NUF2: variants seen among roughly 807,000 people sequenced by gnomAD.
NUF2 encodes the protein NUF2 component of NDC80 kinetochore complex, also known as kinetochore protein Nuf2.
In NUF2, 34 loss-of-function variants were observed where a neutral mutation model predicts 61.8. The ratio of observed to expected loss-of-function variants is 0.55; its 90% CI spans 0.42 to 0.73. NUF2 has a LOEUF of 0.73. Among genes scored for constraint, NUF2 ranks in the 30% least tolerant of loss-of-function variants. NUF2 has a pLI of 0.00. For synonymous variants in NUF2, 172 were observed against 181.6 expected (o/e 0.95, Z 0.42); for missense variants, 445 against 539.1 (o/e 0.83, Z 1.73).
At chr1:163,342,661 C>T (rs1167111552) in intron 9 of NUF2, among the ~76,000 whole-genome samples, 2 of 151,998 alleles carry the variant, frequency 1.3e-5, no homozygotes, top group Admixed American at 1.3e-4. Context: ...CACACCCACA[C>T]ATACATATAT....
At chr1:163,327,117 C>A (rs1228740593) in intron 2 of NUF2, among the ~76,000 whole-genome samples, 643 of 44,670 alleles carry the variant, frequency 0.014, 7 homozygotes, top group Middle Eastern at 0.066. Flanking sequence ...CACACACACA[C>A]ACACACACAC....
intron 1 of NUF2, among the ~76,000 whole-genome samples, chr1:163,322,577 A>G (rs1650266529): frequency 6.6e-6 from 1 of 152,258 alleles, no homozygotes. Flanking sequence ...GTTCCTTTTA[A>G]AAGTTCAAGG....
At chr1:163,340,178 A>G in intron 8 of NUF2, 186 bp from the exon 9 acceptor site, 1 of 521,770 alleles carries the variant, frequency 1.9e-6, no homozygotes, top group South Asian at 3.1e-5. Context: ...ATTTGGAGTT[A>G]ACTACTTAGT....
chr1:163,347,725 T>C (rs1651178949), intron 11 of NUF2, 38 bp from the exon 12 acceptor site: 2 of 1,233,488 alleles, frequency 1.6e-6, no homozygotes, highest in Non-Finnish European at 1.1e-6. Context: ...AAATCCTAAT[T>C]GGTTATGTTG....
intron 7 of NUF2, 184 bp from the exon 8 acceptor site, chr1:163,339,197 G>A (rs1439581123): frequency 7.5e-6 from 4 of 536,548 alleles, no homozygotes; most frequent in Non-Finnish European, 9.9e-6. Flanking sequence ...GAGCTCATGT[G>A]ATTTTTATTT....
intron 5 of NUF2, among the ~76,000 whole-genome samples, chr1:163,331,029 T>C (rs1200693688): frequency 6.7e-6 from 1 of 149,324 alleles, no homozygotes; most frequent in African/African-American, 2.4e-5. Context: ...TTTATTCTTT[T>C]TTTTTTTTTT....
intron 13 of NUF2, among the ~76,000 whole-genome samples, chr1:163,350,338 C>A (rs932064680): frequency 6.6e-6 from 1 of 151,912 alleles, no homozygotes; most frequent in East Asian, 1.9e-4. Context: ...GATATTTAAT[C>A]CTGCTTCTTA....
At chr1:163,347,437 A>AC (rs1651170750) in intron 11 of NUF2, among the ~76,000 whole-genome samples, 1 of 152,078 alleles carries the variant, frequency 6.6e-6, no homozygotes, top group Admixed American at 6.6e-5. Context: ...TCTAGCACCT[A>AC]CCCTTTTCCC....
intron 11 of NUF2, chr1:163,346,077 C>A: frequency 4.3e-6 from 1 of 233,874 alleles, no homozygotes; most frequent in South Asian, 9.8e-5. Context: ...GAAAATAGTA[C>A]AGTAGCTCCC....
In NUF2 at chr1:163,326,021, T is replaced by A; in HGVS notation, c.-20-11T>A. 6.2e-7 allele frequency: 1 copy of A among 1,603,914 alleles called. No homozygotes were observed. The highest frequency in any genetic ancestry group is 8.5e-7 in the Non-Finnish European group (1 of 1,173,028). ...TCATGTGGTATTTCTCATTGTTTTTTCTTCCTTCAGATTAACAGGAAACTT... is the reference window on the plus strand; with the variant it reads ...TCATGTGGTATTTCTCATTGTTTTTACTTCCTTCAGATTAACAGGAAACTT... On this transcript the variant is annotated splice_polypyrimidine_tract_variant and intron_variant, in intron 1 of 13. Transcript: ENST00000271452.
At chr1:163,340,812 C>G (rs1193360852) in intron 9 of NUF2, among the ~76,000 whole-genome samples, 1 of 152,110 alleles carries the variant, frequency 6.6e-6, no homozygotes. Context: ...TTAATGCTTG[C>G]ATCTAGTTGA....
At chr1:163,328,986 A>G in intron 5 of NUF2, 79 bp downstream of exon 5, 1 of 721,796 alleles carries the variant, frequency 1.4e-6, no homozygotes, top group Admixed American at 2.9e-5. Flanking sequence ...TGTAAAAAAA[A>G]AAAAAAAGGA....
intron 11 of NUF2, chr1:163,346,071 A>G (rs1040435654): frequency 8.2e-6 from 2 of 245,010 alleles, no homozygotes; most frequent in African/African-American, 4.5e-5. Flanking sequence ...ATTTTGGAAA[A>G]TAGTACAGTA....
chr1:163,335,432 A>T (rs926905542), intron 5 of NUF2, among the ~76,000 whole-genome samples: 1 of 151,896 alleles, frequency 6.6e-6, no homozygotes, highest in South Asian at 2.1e-4. Flanking sequence ...TGAGAAGTCT[A>T]TTGCTTTTCT....
At chr1:163,339,951 A>G (rs1298759878) in intron 8 of NUF2, among the ~76,000 whole-genome samples, 2 of 152,172 alleles carry the variant, frequency 1.3e-5, no homozygotes, top group African/African-American at 4.8e-5. Flanking sequence ...AGCAAGTACA[A>G]TGTAAAAATC....
chr1:163,334,137 G>A (rs2881021), intron 5 of NUF2, among the ~76,000 whole-genome samples: 4 of 152,182 alleles, frequency 2.6e-5, no homozygotes, highest in Non-Finnish European at 5.9e-5. Context: ...TATTGCTGCA[G>A]AAGACATTAT....
At chr1:163,325,885 T>A (rs564922615) in intron 1 of NUF2, 147 bp from the exon 2 acceptor site, 56 of 495,320 alleles carry the variant, frequency 1.1e-4, no homozygotes, top group Admixed American at 2.3e-4. Flanking sequence ...TATAAATACT[T>A]GTATTTATCT....
chr1:163,328,911 A>G lies in NUF2; in HGVS notation c.337+4A>G. ...ACTGCTGATATTCTATGTCCAAGTA[A>G]GTGAGAATTTAAAACAGTTTTAATG... On this transcript the variant is annotated splice_donor_region_variant and intron_variant, in intron 5 of 13. Transcript: ENST00000271452. 5 of 1,577,028 alleles carry G rather than the reference A, an allele frequency of 3.2e-6. No individual in the cohort carries two copies. Among genetic ancestry groups the G allele is most frequent in the Non-Finnish European group, 4.4e-6 (5 of 1,148,282 alleles).
intron 1 of NUF2, among the ~76,000 whole-genome samples, chr1:163,322,489 A>C (rs1438597978): frequency 6.6e-6 from 1 of 152,228 alleles, no homozygotes; most frequent in African/African-American, 2.4e-5. Flanking sequence ...TGAAAAGGTA[A>C]AAATATCACA....
Sources: gnomAD v4.1 joint callset for allele counts (sites outside exome capture counted in the v4.1 genomes callset) on GRCh38, gnomAD v4.1.1 for gene constraint, MANE v1.5 for transcripts, NCBI Gene and HGNC (gene_info 2026-07-23, HGNC 2026-07-21) for gene names.